Variants in BCAS3 observed in about 807,000 individuals in gnomAD.
BCAS3 encodes the protein BCAS4/BCAS3 fusion.
A neutral mutation model predicts 116.1 loss-of-function variants in BCAS3; 53 were observed. That is an observed-to-expected ratio of 0.46 (90% CI 0.37 to 0.57). The LOEUF (loss-of-function observed/expected upper bound fraction) is 0.57, where lower values mean the gene tolerates loss of function less well. BCAS3 is among the 20% of genes least tolerant of loss of function. BCAS3 has a pLI of 0.00. For missense variants in BCAS3, 917 were observed against 1,165.4 expected (o/e 0.79, Z 3.10); for synonymous variants, 391 against 408.2 (o/e 0.96, Z 0.51).
chr17:60,688,579 C>T (rs940312885), intron 3 of BCAS3, among the ~76,000 whole-genome samples: 7 of 151,910 alleles, frequency 4.6e-5, no homozygotes, highest in South Asian at 4.1e-4. Context: ...TTTGGGATGC[C>T]GAGGCGGGGC....
intron 7 of BCAS3, among the ~76,000 whole-genome samples, chr17:60,816,250 G>T (rs1320409372): frequency 6.6e-6 from 1 of 150,414 alleles, no homozygotes; most frequent in African/African-American, 2.5e-5. Context: ...ATTTTCTTTT[G>T]ATGTATAACT....
At chr17:60,690,726 G>C (rs931425040) in intron 4 of BCAS3, among the ~76,000 whole-genome samples, 1 of 151,978 alleles carries the variant, frequency 6.6e-6, no homozygotes, top group African/African-American at 2.4e-5. Flanking sequence ...TTCAAGACCA[G>C]CCTGGCCAAC....
chr17:61,377,495 G>GT lies in BCAS3; in HGVS notation c.2593+9008dup, dbSNP rs760681621. On this transcript the variant is annotated intron_variant, in intron 23 of 23. Transcript: ENST00000407086. The surrounding 1 kb of genome is among the most constrained non-coding windows in gnomAD (Gnocchi z 4.6). The stretch of plus-strand genomic sequence containing the variant: ...CTCCCGCTATTGGGAAGAATGTGGT[G>GT]TTTTTTTCCCCTTTTCGATGGGATT... Among the ~76,000 whole-genome samples the GT allele has an allele frequency of 1.3e-5, 2 of 152,326 alleles. No individual in the cohort carries two copies. Among genetic ancestry groups the GT allele is most frequent in the East Asian group, 1.9e-4 (1 of 5,184 alleles).
chr17:60,942,154 G>A (rs896184559), intron 13 of BCAS3, among the ~76,000 whole-genome samples: 3 of 152,168 alleles, frequency 2.0e-5, no homozygotes, highest in African/African-American at 4.8e-5. Context: ...GGCCGGGTGC[G>A]GTGGCTCACA....
In BCAS3 at chr17:60,964,360, C is replaced by A. The variant is rs2061555347; in HGVS notation, c.1221+17008C>A. On this transcript the variant is annotated intron_variant, in intron 14 of 23. Transcript: ENST00000407086. The surrounding 1 kb of genome is among the most constrained non-coding windows in gnomAD (Gnocchi z 4.6). ...GTTTATTGAGTTGCTTATGTTGAAC[C>A]ATCCTTGCATCCCTGGAATGAATCC... 6.6e-6 allele frequency among the ~76,000 whole-genome samples: 1 copy of A among 151,896 alleles called. No individual in the cohort carries two copies. Among genetic ancestry groups the A allele is most frequent in the Non-Finnish European group, 1.5e-5 (1 of 67,964 alleles).
intron 8 of BCAS3, among the ~76,000 whole-genome samples, chr17:60,871,997 C>A (rs1349939029): frequency 6.6e-6 from 1 of 151,654 alleles, no homozygotes; most frequent in Admixed American, 6.6e-5. Context: ...GTTATTATGA[C>A]CCTTTATGAA....
intron 13 of BCAS3, among the ~76,000 whole-genome samples, chr17:60,941,006 G>T (rs572420715): frequency 6.6e-5 from 10 of 152,214 alleles, no homozygotes; most frequent in Admixed American, 1.3e-4. Flanking sequence ...TTATGTTCGT[G>T]TGAGGCCACA....
chr17:60,958,943 A>G (rs2061278636), intron 14 of BCAS3, among the ~76,000 whole-genome samples: 1 of 152,234 alleles, frequency 6.6e-6, no homozygotes, highest in Admixed American at 6.5e-5. Context: ...ATAGACTTAA[A>G]TGTAGAACCT....
intron 12 of BCAS3, among the ~76,000 whole-genome samples, chr17:60,916,740 A>G (rs1261991263): frequency 1.3e-5 from 2 of 152,180 alleles, no homozygotes; most frequent in Non-Finnish European, 2.9e-5. Flanking sequence ...GCTACAGTGG[A>G]CACAATCAAG....
chr17:61,084,361 C>T lies in BCAS3; in HGVS notation c.2328-106C>T, dbSNP rs760825877. On this transcript the variant is annotated intron_variant, in intron 21 of 23. Coordinates refer to ENST00000407086, the MANE Select transcript of BCAS3 (RefSeq NM_017679.5). The surrounding 1 kb of genome is among the most constrained non-coding windows in gnomAD (Gnocchi z 5.5). ...TTGTCTTGTTTTAGAATGGATGGTT[C>T]TTTAATGGATTGTGCTACTCCAGCA... is the stretch of plus-strand genomic sequence containing the variant. 4.8e-6 allele frequency: 4 copies of T among 831,110 alleles called. No homozygotes were observed. The highest frequency in any genetic ancestry group is 7.5e-6 in the Non-Finnish European group (4 of 536,856). 51.5% of individuals were successfully genotyped at this position (831,110 alleles called of 1,614,324 possible).
chr17:60,767,714 C>T (rs1598573208), intron 6 of BCAS3, among the ~76,000 whole-genome samples: 1 of 152,086 alleles, frequency 6.6e-6, no homozygotes, highest in African/African-American at 2.4e-5. Context: ...TTCTTATTTC[C>T]TTGCTTTTTC....
chr17:60,706,861 G>A (rs114940681), intron 4 of BCAS3, among the ~76,000 whole-genome samples: 2,813 of 148,350 alleles, frequency 0.019, 99 homozygotes, highest in African/African-American at 0.064. Context: ...CCAGGCTGGA[G>A]TGGAGTGCAG....
rs530582026 is a variant in BCAS3, at chr17:61,373,076, C to T, written c.2593+4582C>T. On this transcript the variant is annotated intron_variant, in intron 23 of 23. Coordinates refer to ENST00000407086, the MANE Select transcript of BCAS3 (RefSeq NM_017679.5). The stretch of plus-strand genomic sequence containing the variant: ...CAGGCCTTATGCATGGGTCCAGATC[C>T]GTGTGTAAAGTATTCCTTTTTTTTT... Among the ~76,000 whole-genome samples, 5 of 146,386 alleles carry T rather than the reference C, an allele frequency of 3.4e-5. No homozygotes were observed. The South Asian group carries it at 6.7e-4, about 20-fold the overall frequency.
intron 19 of BCAS3, among the ~76,000 whole-genome samples, chr17:61,055,130 C>G (rs531116617): frequency 6.6e-6 from 1 of 152,170 alleles, no homozygotes; most frequent in African/African-American, 2.4e-5. Flanking sequence ...AAATGAGGAG[C>G]TAAAATAGAA....
chr17:60,716,483 A>G (rs2038623589), intron 5 of BCAS3, among the ~76,000 whole-genome samples: 1 of 152,018 alleles, frequency 6.6e-6, no homozygotes, highest in Non-Finnish European at 1.5e-5. Flanking sequence ...TTTAAAGAGC[A>G]TTGTAGCTGG....
At position 60,688,479 on chromosome 17, in the gene BCAS3, G is replaced by C. The variant is rs376904677; in HGVS notation, c.139-1207G>C. On this transcript the variant is annotated intron_variant, in intron 3 of 23. Transcript: ENST00000407086. The stretch of plus-strand genomic sequence containing the variant: ...CATGCCCAGATTTTTTTTCTGTAGA[G>C]ATGAGGTTTCTCCATGTTGCCCAAG... Among the ~76,000 whole-genome samples the C allele has an allele frequency of 2.1e-4, 32 of 151,978 alleles. No homozygotes were observed. The East Asian group carries it at 5.8e-3, about 28-fold the overall frequency.
Position 61,348,717 on chromosome 17 carries a change from C to T in BCAS3, c.2426-19610C>T, listed in dbSNP as rs2057651530. 6.6e-6 allele frequency among the ~76,000 whole-genome samples: 1 copy of T among 151,200 alleles called. No homozygotes were observed. The highest frequency in any genetic ancestry group is 1.5e-5 in the Non-Finnish European group (1 of 67,910). Reference sequence around the variant, plus strand: ...CTAAGCTGCCATGATCATGGGAGGACAGTCACGTGCTTCTTGCAACCTCTT... The same window carrying T: ...CTAAGCTGCCATGATCATGGGAGGATAGTCACGTGCTTCTTGCAACCTCTT... On this transcript the variant is annotated intron_variant, in intron 22 of 23. Transcript: ENST00000407086. This position sits in a 1 kb window ranked among gnomAD's most constrained non-coding sequence, Gnocchi z 4.5.
intron 7 of BCAS3, among the ~76,000 whole-genome samples, chr17:60,817,573 C>A (rs55760424): frequency 0.24 from 35,953 of 152,026 alleles, 7,801 homozygotes; most frequent in African/African-American, 0.58. Context: ...ATTTAACTGC[C>A]TTGTGTTGTA....
Position 61,181,394 on chromosome 17 carries a change from C to T in BCAS3, c.2425+96830C>T, listed in dbSNP as rs1262643909. ...CCATGAAATAATTCTGATAGCCACTCAGAGAACTGAGAAGTGATTTATTGC... is the reference window on the plus strand; with the variant it reads ...CCATGAAATAATTCTGATAGCCACTTAGAGAACTGAGAAGTGATTTATTGC... On this transcript the variant is annotated intron_variant, in intron 22 of 23. Coordinates refer to ENST00000407086, the MANE Select transcript of BCAS3 (RefSeq NM_017679.5). The surrounding 1 kb of genome is among the most constrained non-coding windows in gnomAD (Gnocchi z 5.0). Among the ~76,000 whole-genome samples the T allele has an allele frequency of 6.6e-6, 1 of 152,174 alleles. No individual in the cohort carries two copies. The highest frequency in any genetic ancestry group is 2.4e-5 in the African/African-American group (1 of 41,444).
Sources: allele counts gnomAD v4.1 joint callset (sites outside exome capture counted in the v4.1 genomes callset), GRCh38; gene constraint gnomAD v4.1.1; non-coding constraint Gnocchi (gnomAD v3.1); transcripts MANE v1.5; gene names NCBI Gene and HGNC (gene_info 2026-07-23, HGNC 2026-07-21).